AMMECR1: variants seen among roughly 807,000 people sequenced by gnomAD.
The protein encoded by AMMECR1 is AMMECR nuclear protein 1.
Under a neutral mutation model 22.5 loss-of-function variants are expected in AMMECR1, and 3 were observed. The observed-to-expected ratio is 0.13, with a 90% CI of 0.06 to 0.35. AMMECR1 has a LOEUF of 0.35. Among genes scored for constraint, AMMECR1 ranks in the 10% least tolerant of loss-of-function variants. AMMECR1 has a pLI of 1.00. For missense variants in AMMECR1, 235 were observed against 278.7 expected, an observed-to-expected ratio of 0.84 and a Z score of 1.12; for synonymous variants, 130 against 116.7, an observed-to-expected ratio of 1.11 and a Z score of -0.74.
intron 2 of AMMECR1, among the ~76,000 whole-genome samples, chrX:110,408,567 C>T (rs552992811): frequency 8.9e-5 from 10 of 112,240 alleles, no homozygotes; most frequent in Middle Eastern, 4.6e-3. Flanking sequence ...GCTTCCCCTG[C>T]CCCGACCCCA....
At chrX:110,337,872 A>G (rs1328465663) in intron 2 of AMMECR1, among the ~76,000 whole-genome samples, 1 of 112,420 alleles carries the variant, frequency 8.9e-6, no homozygotes, top group Non-Finnish European at 1.9e-5. Context: ...ACAATGAAAC[A>G]TTATTCAGCC....
chrX:110,238,373 G>A lies in AMMECR1; in HGVS notation c.585-21741C>T, dbSNP rs888428486. Reference sequence around the variant, plus strand: ...CTTACAGTCACTAATAACTGAATCAGAAATATAGCTCAAGCCGAGTAGGCG... The same window carrying A: ...CTTACAGTCACTAATAACTGAATCAAAAATATAGCTCAAGCCGAGTAGGCG... On this transcript the variant is annotated intron_variant, in intron 2 of 5. Transcript: ENST00000262844. Among the ~76,000 whole-genome samples, 78 of 111,965 alleles carry A rather than the reference G, an allele frequency of 7.0e-4. 1 individual carries two copies. In the Admixed American group the frequency reaches 7.4e-3, roughly 11 times the overall value.
chrX:110,431,698 CT>C (rs997118081), intron 1 of AMMECR1, among the ~76,000 whole-genome samples: 5 of 111,852 alleles, frequency 4.5e-5, no homozygotes, highest in Non-Finnish European at 9.4e-5. Flanking sequence ...TTCATTGCCC[CT>C]GTCCTGCTGG....
At chrX:110,264,743 A>G in intron 1 of AMMECR1, 144 bp from the exon 2 acceptor site, 1 of 401,044 alleles carries the variant, frequency 2.5e-6, no homozygotes, top group Non-Finnish European at 4.3e-6. Flanking sequence ...CCAGCCCAAT[A>G]GGACTACATT....
chrX:110,307,872 T>C (rs1321690294), intron 1 of AMMECR1, among the ~76,000 whole-genome samples: 2 of 86,610 alleles, frequency 2.3e-5, no homozygotes, highest in East Asian at 3.2e-4. Flanking sequence ...TTCTTTTTTT[T>C]TTTTTTTTTT....
chrX:110,221,063 G>A (rs1377386366), intron 2 of AMMECR1, among the ~76,000 whole-genome samples: 1 of 112,359 alleles, frequency 8.9e-6, no homozygotes, highest in Non-Finnish European at 1.9e-5. Flanking sequence ...GTTAACTGCT[G>A]GAAAGTTATC....
intron 2 of AMMECR1, among the ~76,000 whole-genome samples, chrX:110,335,386 A>G (rs1249805356): frequency 1.8e-5 from 2 of 111,868 alleles, no homozygotes; most frequent in South Asian, 3.8e-4. Flanking sequence ...GTGTCTGATT[A>G]TGATTTGACA....
chrX:110,218,910 C>CATATATT (rs2067487296), intron 2 of AMMECR1, among the ~76,000 whole-genome samples: 1 of 111,383 alleles, frequency 9.0e-6, no homozygotes, highest in Non-Finnish European at 1.9e-5. Context: ...TTGCCTTTAG[C>CATATATT]GTCTGGCTTC....
chrX:110,298,373 C>A (rs1295822577), intron 1 of AMMECR1, among the ~76,000 whole-genome samples: 1 of 111,297 alleles, frequency 9.0e-6, no homozygotes, highest in Non-Finnish European at 1.9e-5. Flanking sequence ...GAAACTTTTA[C>A]AACAATAGTA....
At position 110,317,801 on chromosome X, in the gene AMMECR1, A is replaced by C. The variant is rs2068057962; in HGVS notation, c.271T>G (p.Cys91Gly). 1.7e-6 allele frequency: 2 copies of C among 1,163,959 alleles called. No individual in the cohort carries two copies. Among genetic ancestry groups the C allele is most frequent in the Middle Eastern group, 2.5e-4 (1 of 4,068 alleles). Residue 91 changes from cysteine (C) to glycine (G), a missense_variant, in exon 1 of 6, where the codon TGC (cysteine) becomes GGC (glycine). Physicochemically the swap from Cys to Gly is radical, Grantham distance 159. This residue lies in a region of AMMECR1 where 124 missense variants were observed against 97.0 expected (regional missense o/e 1.28). Transcript: ENST00000262844. The part of the protein sequence containing the change: ...GGIALSPPPS[C>G]GVGTLLSTPA... ...GTAGAAAGTAGGGTCCCCACTCCGC[A>C]GCTCGGAGGTGGCGACAGGGCGATC...
chrX:110,200,944 T>A lies in AMMECR1; in HGVS notation c.887+10A>T. The A allele has an allele frequency of 8.5e-7, 1 of 1,178,858 alleles. No individual in the cohort carries two copies. Among genetic ancestry groups the A allele is most frequent in the African/African-American group, 1.7e-5 (1 of 57,178 alleles). ...CAGGTTAGCCTTGTGCTAGAAAATG[T>A]CTTCTGTACCTGGTCAGTTTTATGG... On this transcript the variant is annotated intron_variant, in intron 5 of 5. Transcript: ENST00000262844.
chrX:110,233,175 A>G (rs1340290109), intron 2 of AMMECR1, among the ~76,000 whole-genome samples: 1 of 111,390 alleles, frequency 9.0e-6, no homozygotes, highest in African/African-American at 3.3e-5. Flanking sequence ...ACAGAAATAC[A>G]AACTACTATC....
At chrX:110,216,187 G>C (rs1160521264) in intron 3 of AMMECR1, among the ~76,000 whole-genome samples, 1 of 111,643 alleles carries the variant, frequency 9.0e-6, no homozygotes, top group African/African-American at 3.3e-5. Context: ...GGTTATACCA[G>C]AGTGCACCAG....
At chrX:110,279,407 T>C (rs1053104299) in intron 1 of AMMECR1, among the ~76,000 whole-genome samples, 4 of 112,372 alleles carry the variant, frequency 3.6e-5, no homozygotes, top group African/African-American at 9.7e-5. Flanking sequence ...GACAGTAAAA[T>C]TGCCAAATGA....
intron 3 of AMMECR1, among the ~76,000 whole-genome samples, chrX:110,209,116 G>T (rs1174762583): frequency 2.7e-5 from 3 of 111,282 alleles, no homozygotes; most frequent in Non-Finnish European, 5.7e-5. Context: ...GCGGGGGGAA[G>T]AAATCACCTC....
Position 110,344,564 on chromosome X carries a change from G to A in AMMECR1, c.-147-26715C>T, listed in dbSNP as rs748373626. The stretch of plus-strand genomic sequence containing the variant: ...CCATCAGAGTGAACAGGCAACCTAT[G>A]GAATGGGAGAAAATTTTTGCAATCC... On this transcript the variant is annotated intron_variant, in intron 2 of 7. Transcript: ENST00000372057. 8.7e-3 allele frequency among the ~76,000 whole-genome samples: 960 copies of A among 110,156 alleles called. 20 individuals are homozygous for A. The highest frequency in any genetic ancestry group is 0.03 in the African/African-American group (887 of 29,431).
At chrX:110,242,778 A>G (rs372204535) in intron 2 of AMMECR1, among the ~76,000 whole-genome samples, 2 of 112,402 alleles carry the variant, frequency 1.8e-5, no homozygotes, top group African/African-American at 6.5e-5. Flanking sequence ...ATAGAATATT[A>G]TACAAGTTAT....
At chrX:110,242,236 A>AT (rs2067637311) in intron 2 of AMMECR1, among the ~76,000 whole-genome samples, 1 of 112,008 alleles carries the variant, frequency 8.9e-6, no homozygotes, top group African/African-American at 3.2e-5. Flanking sequence ...GAGCAACAAT[A>AT]TAAAAAAAAT....
chrX:110,232,300 A>G (rs995283270), intron 2 of AMMECR1, among the ~76,000 whole-genome samples: 1 of 112,101 alleles, frequency 8.9e-6, no homozygotes, highest in African/African-American at 3.2e-5. Context: ...AAAGAACAGA[A>G]ATCACAACAA....
Sources: allele counts gnomAD v4.1 joint callset (sites outside exome capture counted in the v4.1 genomes callset), GRCh38; gene constraint gnomAD v4.1.1; regional missense constraint gnomAD v4.1.1; transcripts MANE v1.5; gene names NCBI Gene and HGNC (gene_info 2026-07-23, HGNC 2026-07-21).